The following MAF variants were observed in gnomAD, a reference collection of about 807,000 sequenced individuals.
MAF encodes transcription factor Maf.
MAF carries 10 observed loss-of-function variants against 22.0 expected under a neutral mutation model. The observed-to-expected ratio is 0.45, with a 90% CI of 0.28 to 0.77. The LOEUF (loss-of-function observed/expected upper bound fraction) is 0.77, where lower values mean the gene tolerates loss of function less well. Among genes scored for constraint, MAF ranks in the 30% least tolerant of loss-of-function variants. The pLI, the probability that MAF is intolerant of heterozygous loss-of-function variation, is 0.12. For missense variants in MAF, 544 were observed against 548.4 expected (o/e 0.99, Z 0.08); for synonymous variants, 337 against 255.8 (o/e 1.32, Z -3.03).
downstream of MAF, among the ~76,000 whole-genome samples, chr16:79,583,193 G>A (rs902824887): frequency 2.0e-5 from 3 of 152,204 alleles, no homozygotes; most frequent in Non-Finnish European, 2.9e-5. Context: ...AGGCGTGCAA[G>A]ATAGAAACAA....
chr16:79,567,284 C>CTGTA, the MAF span, among the ~76,000 whole-genome samples: 6 of 151,808 alleles, frequency 4.0e-5, no homozygotes, highest in Non-Finnish European at 7.4e-5. Flanking sequence ...TGCCATTGCA[C>CTGTA]TGTAGCCTGG....
At chr16:79,283,869 C>T in the MAF span, among the ~76,000 whole-genome samples, 1 of 150,810 alleles carries the variant, frequency 6.6e-6, no homozygotes, top group Non-Finnish European at 1.5e-5. Flanking sequence ...CTCAAACAGA[C>T]ATGCCAGTGT....
the MAF span, among the ~76,000 whole-genome samples, chr16:79,528,658 G>GAA: frequency 5.9e-4 from 83 of 139,568 alleles, no homozygotes; most frequent in African/African-American, 1.0e-3. Context: ...TTCGAAGGGA[G>GAA]AAAAAAAAAA....
At chr16:79,474,344 C>T in the MAF span, among the ~76,000 whole-genome samples, 15 of 152,200 alleles carry the variant, frequency 9.9e-5, no homozygotes, top group African/African-American at 3.4e-4. Flanking sequence ...CTGCAAAGGG[C>T]AGAAATCATG....
the MAF span, among the ~76,000 whole-genome samples, chr16:79,419,116 C>G: frequency 1.3e-5 from 2 of 152,182 alleles, no homozygotes; most frequent in Admixed American, 1.3e-4. Flanking sequence ...TAACTTCCCC[C>G]CTCAGGAAAA....
At chr16:79,589,855 G>T (rs1181836071), downstream of MAF, among the ~76,000 whole-genome samples, 1 of 152,182 alleles carries the variant, frequency 6.6e-6, no homozygotes, top group African/African-American at 2.4e-5. Flanking sequence ...CGTCATTAGC[G>T]CCCCCGGGCG....
At chr16:79,217,052 C>T in the MAF span, among the ~76,000 whole-genome samples, 1 of 152,186 alleles carries the variant, frequency 6.6e-6, no homozygotes, top group African/African-American at 2.4e-5. Flanking sequence ...TAAAGTGATC[C>T]AACTGCCTCA....
At chr16:79,331,240 A>T in the MAF span, among the ~76,000 whole-genome samples, 1 of 152,160 alleles carries the variant, frequency 6.6e-6, no homozygotes, top group Non-Finnish European at 1.5e-5. Flanking sequence ...GGAAAACTAG[A>T]CCTTGGAGTG....
the MAF span, among the ~76,000 whole-genome samples, chr16:79,550,127 C>T: frequency 6.6e-6 from 1 of 152,102 alleles, no homozygotes; most frequent in Admixed American, 6.5e-5. Flanking sequence ...CCTTTTGTTC[C>T]CCCAGGGCAT....
the MAF span, among the ~76,000 whole-genome samples, chr16:79,379,503 A>G: frequency 2.0e-4 from 5 of 24,528 alleles, no homozygotes; most frequent in African/African-American, 3.0e-3. Flanking sequence ...GTGGAAGTGC[A>G]CACACACACA....
At chr16:79,468,814 A>G in the MAF span, among the ~76,000 whole-genome samples, 1 of 152,184 alleles carries the variant, frequency 6.6e-6, no homozygotes, top group African/African-American at 2.4e-5. Context: ...GGAGCATTAT[A>G]AATCACCCGG....
chr16:79,484,587 C>A, the MAF span, among the ~76,000 whole-genome samples: 1 of 152,180 alleles, frequency 6.6e-6, no homozygotes, highest in Non-Finnish European at 1.5e-5. Flanking sequence ...CAGGAGACAG[C>A]CTCCCTTGGA....
chr16:79,361,697 T>A, the MAF span, among the ~76,000 whole-genome samples: 8 of 144,346 alleles, frequency 5.5e-5, no homozygotes, highest in Non-Finnish European at 9.4e-5. Flanking sequence ...TTTCTTTTGG[T>A]TGTTTTATAT....
chr16:79,594,665 T>C, intron 1 of MAF, 112 bp from the exon 2 acceptor site: 12 of 1,516,988 alleles, frequency 7.9e-6, no homozygotes, highest in Non-Finnish European at 1.1e-5. Flanking sequence ...ATTTAGAGAC[T>C]TATTGTAATG....
At chr16:79,281,668 C>A in the MAF span, among the ~76,000 whole-genome samples, 7 of 151,404 alleles carry the variant, frequency 4.6e-5, no homozygotes, top group African/African-American at 1.5e-4. Context: ...CCTTCTTCAG[C>A]CTCCTCAGTA....
At chr16:79,419,320 T>C in the MAF span, among the ~76,000 whole-genome samples, 2 of 152,292 alleles carry the variant, frequency 1.3e-5, no homozygotes, top group East Asian at 1.9e-4. Flanking sequence ...GCTTCAGCCT[T>C]TGGTGTCACA....
the MAF span, among the ~76,000 whole-genome samples, chr16:79,570,026 T>C: frequency 6.6e-6 from 1 of 151,294 alleles, no homozygotes; most frequent in Non-Finnish European, 1.5e-5. Context: ...TTTTTTTTTT[T>C]TTTTGGATCT....
chr16:79,325,234 G>A, the MAF span, among the ~76,000 whole-genome samples: 10 of 152,120 alleles, frequency 6.6e-5, no homozygotes, highest in Non-Finnish European at 1.0e-4. Flanking sequence ...ATACTTTCAA[G>A]AGTAAATAAA....
At chr16:79,237,128 T>C in the MAF span, among the ~76,000 whole-genome samples, 1 of 151,978 alleles carries the variant, frequency 6.6e-6, no homozygotes, top group South Asian at 2.1e-4. Context: ...TTCCAAATAA[T>C]AAACTGGTCT....
Sources: gnomAD v4.1 joint callset for allele counts (sites outside exome capture counted in the v4.1 genomes callset) on GRCh38, gnomAD v4.1.1 for gene constraint, MANE v1.5 for transcripts, NCBI Gene and HGNC (gene_info 2026-07-23, HGNC 2026-07-21) for gene names.